MPPE1: variants seen among roughly 807,000 people sequenced by gnomAD.
The protein encoded by MPPE1 is metallophosphoesterase 1.
A neutral mutation model predicts 43.8 loss-of-function variants in MPPE1; 28 were observed. The observed-to-expected ratio is 0.64, with a 90% CI of 0.47 to 0.88. The LOEUF is 0.88. Ranked by LOEUF, MPPE1 falls within the 40% of genes least tolerant of loss-of-function variation. The pLI is 0.00. For missense variants in MPPE1, 428 were observed against 492.2 expected (o/e 0.87, Z 1.23); for synonymous variants, 159 against 188.5 (o/e 0.84, Z 1.28).
chr18:11,904,641 A>G (rs1178124168), intron 2 of MPPE1, among the ~76,000 whole-genome samples: 1 of 152,182 alleles, frequency 6.6e-6, no homozygotes, highest in Admixed American at 6.6e-5. Context: ...TTTTTAAAAG[A>G]TAAGAGTGGC....
At chr18:11,897,715 T>C (rs8085475) in intron 2 of MPPE1, 40,728 of 154,566 alleles carry the variant, frequency 0.26, 7,737 homozygotes, top group African/African-American at 0.54. Flanking sequence ...TAATTTTGAC[T>C]CCCAGGATTC....
chr18:11,898,295 C>A (rs760598785), intron 2 of MPPE1, among the ~76,000 whole-genome samples: 1 of 152,180 alleles, frequency 6.6e-6, no homozygotes, highest in Non-Finnish European at 1.5e-5. Context: ...TAGTCTCAAA[C>A]TCCTGACCTC....
rs537593873 is a variant in MPPE1, at chr18:11,886,318, G to A, written c.867+181C>T. The stretch of plus-strand genomic sequence containing the variant: ...TAGGTTTACTGGAAAAAAAAAAAGC[G>A]ATTAAATGAAAATCTGAGATACTGT... On this transcript the variant is annotated intron_variant, in intron 9 of 10. Transcript: ENST00000588072. This position sits in a 1 kb window ranked among gnomAD's most constrained non-coding sequence, Gnocchi z 4.1. 29 of 769,154 alleles carry A rather than the reference G, an allele frequency of 3.8e-5. No homozygotes were observed. The highest frequency in any genetic ancestry group is 2.1e-4 in the East Asian group (8 of 38,428). 47.6% of individuals were successfully genotyped at this position (769,154 alleles called of 1,614,324 possible). A position where few individuals can be genotyped will look rare whatever the true frequency, so the allele number is the denominator to read the frequency against.
At chr18:11,896,076 A>ATTATTC (rs34339167) in intron 3 of MPPE1, among the ~76,000 whole-genome samples, 1 of 137,944 alleles carries the variant, frequency 7.2e-6, no homozygotes, top group Admixed American at 7.3e-5. Context: ...CTGCTCTTTC[A>ATTATTC]TTATTCTTAT....
rs1427484814 is a variant in MPPE1, at chr18:11,885,686, C to G, written c.998G>C (p.Ser333Thr). The change falls in exon 10 of 11, where the codon AGT becomes ACT. Residue 333 changes from serine to threonine, a missense_variant. Coordinates refer to ENST00000588072, the MANE Select transcript of MPPE1 (RefSeq NM_023075.6). ...SFSWRNRNNPSFIMGSITPTD... is the reference protein window; with the variant it reads ...SFSWRNRNNPTFIMGSITPTD... ...AAACTTTCACGTTACCATGATGAAA[C>G]TGGGGTTGTTTCTGTTCCTCCAACT... The G allele has an allele frequency of 6.2e-7, 1 of 1,613,028 alleles. No homozygotes were observed. The highest frequency in any genetic ancestry group is 8.5e-7 in the Non-Finnish European group (1 of 1,179,304).
intron 2 of MPPE1, among the ~76,000 whole-genome samples, chr18:11,901,347 G>A (rs898017458): frequency 6.6e-6 from 1 of 151,718 alleles, no homozygotes; most frequent in Admixed American, 6.6e-5. Flanking sequence ...CCTCCTACCT[G>A]AGCCTCCCAA....
At chr18:11,897,800 C>A (rs577044033) in intron 2 of MPPE1, among the ~76,000 whole-genome samples, 1 of 152,292 alleles carries the variant, frequency 6.6e-6, no homozygotes, top group South Asian at 2.1e-4. Flanking sequence ...GGTGTTAATT[C>A]ATCACTTTTC....
chr18:11,903,330 G>T (rs996850057), intron 2 of MPPE1, among the ~76,000 whole-genome samples: 4 of 152,082 alleles, frequency 2.6e-5, no homozygotes, highest in African/African-American at 9.7e-5. Flanking sequence ...CACTCCACAG[G>T]AAAAAGAAAG....
At chr18:11,895,472 T>A (rs1055981942) in intron 3 of MPPE1, among the ~76,000 whole-genome samples, 2 of 152,056 alleles carry the variant, frequency 1.3e-5, no homozygotes, top group Non-Finnish European at 2.9e-5. Flanking sequence ...ATGGTACACA[T>A]CACCCCTGAA....
chr18:11,886,019 C>T lies in MPPE1; in HGVS notation c.868-203G>A, dbSNP rs1598478125. ...TCAAAGGTAAGGTCAGCCCTTTGTT[C>T]TCATCCCAGATTTTATATACTTTTT... is the stretch of plus-strand genomic sequence containing the variant. On this transcript the variant is annotated intron_variant, in intron 9 of 10. Transcript: ENST00000588072. The surrounding 1 kb of genome is among the most constrained non-coding windows in gnomAD (Gnocchi z 4.1). 2.5e-6 allele frequency: 1 copy of T among 397,428 alleles called. No homozygotes were observed. Among genetic ancestry groups the T allele is most frequent in the Admixed American group, 4.5e-5 (1 of 22,466 alleles). 24.6% of individuals were successfully genotyped at this position (397,428 alleles called of 1,614,324 possible). A position where few individuals can be genotyped will look rare whatever the true frequency, so the allele number is the denominator to read the frequency against.
intron 1 of MPPE1, among the ~76,000 whole-genome samples, chr18:11,906,634 T>C (rs1465938845): frequency 3.3e-5 from 5 of 152,014 alleles, no homozygotes; most frequent in Non-Finnish European, 7.4e-5. Flanking sequence ...AGGTGGGTGA[T>C]CACCTGAGGT....
Position 11,886,518 on chromosome 18 carries a change from G to A in MPPE1, c.848C>T (p.Ser283Leu). 1 of 1,614,168 alleles carries A rather than the reference G, an allele frequency of 6.2e-7. No homozygotes were observed. The highest frequency in any genetic ancestry group is 8.5e-7 in the Non-Finnish European group (1 of 1,180,046). Residue 283 changes from serine to leucine, a missense_variant, in exon 9 of 11, where the codon TCA (serine) becomes TTA (leucine). Coordinates refer to ENST00000588072, the MANE Select transcript of MPPE1 (RefSeq NM_023075.6). This position sits in a 1 kb window ranked among gnomAD's most constrained non-coding sequence, Gnocchi z 4.1. Reference protein sequence around the residue: ...IPFKENYDVLSREASQKLLWW... With the variant: ...IPFKENYDVLLREASQKLLWW... ...GCAAACCTTTTGTGATGCCTCCCGT[G>A]AAAGCACGTCATAGTTCTCCTTAAA...
intron 4 of MPPE1, chr18:11,892,982 C>CA (rs1380983282): frequency 6.5e-6 from 1 of 154,716 alleles, no homozygotes; most frequent in African/African-American, 2.4e-5. Context: ...ATCAAGTCCC[C>CA]AGCGCTCCTT....
At position 11,897,285 on chromosome 18, in the gene MPPE1, C is replaced by T. The variant is rs2038708482; in HGVS notation, c.-21G>A. On this transcript the variant is annotated 5_prime_UTR_variant, in exon 3 of 11. It removes an upstream start codon present in the reference 5' UTR. Coordinates refer to ENST00000588072, the MANE Select transcript of MPPE1 (RefSeq NM_023075.6). ...GCCATTTCTCAAGCAACAACAAATC[C>T]ATCAAGGGTTCACCACGAGAAAACT... 1 of 931,370 alleles carries T rather than the reference C, an allele frequency of 1.1e-6. No individual in the cohort carries two copies. Among genetic ancestry groups the T allele is most frequent in the African/African-American group, 1.7e-5 (1 of 59,682 alleles). 57.7% of individuals were successfully genotyped at this position (931,370 alleles called of 1,614,324 possible).
rs1171799938 is a variant in MPPE1, at chr18:11,884,119, G to A, written c.*326C>T. 1 of 249,404 alleles carries A rather than the reference G, an allele frequency of 4.0e-6. No individual in the cohort carries two copies. Among genetic ancestry groups the A allele is most frequent in the Non-Finnish European group, 7.9e-6 (1 of 126,644 alleles). 15.4% of individuals were successfully genotyped at this position (249,404 alleles called of 1,614,324 possible). On this transcript the variant is annotated 3_prime_UTR_variant, in exon 11 of 11. Coordinates refer to ENST00000588072, the MANE Select transcript of MPPE1 (RefSeq NM_023075.6). ...TCCCAAGTGTGTGCTGGGGCCACCA[G>A]GCCCTTCCTGGGGGAACAAGGACTG...
Position 11,893,577 on chromosome 18 carries a change from C to G in MPPE1, c.282-1G>C, listed in dbSNP as rs1166086162. 2.5e-6 allele frequency: 4 copies of G among 1,613,548 alleles called. No individual in the cohort carries two copies. In the African/African-American group the frequency reaches 5.3e-5, roughly 21 times the overall value. ...GAACGCTCTCTCCATCTGCCATTCCCTTGATGCCAATAGGAAAAAGTAAGG... is the reference window on the plus strand; with the variant it reads ...GAACGCTCTCTCCATCTGCCATTCCGTTGATGCCAATAGGAAAAAGTAAGG... On this transcript the variant is annotated splice_acceptor_variant, in intron 3 of 10. Coordinates refer to ENST00000588072, the MANE Select transcript of MPPE1 (RefSeq NM_023075.6). LOFTEE classifies it high-confidence loss of function.
chr18:11,895,018 C>T (rs1202011462), intron 3 of MPPE1, among the ~76,000 whole-genome samples: 2 of 152,150 alleles, frequency 1.3e-5, no homozygotes, highest in African/African-American at 4.8e-5. Context: ...GCTCAGCCCT[C>T]CCCGTCTTCA....
At chr18:11,891,534 A>G (rs1053141365) in intron 4 of MPPE1, 1 of 152,178 alleles carries the variant, frequency 6.6e-6, no homozygotes, top group African/African-American at 2.4e-5. Flanking sequence ...ACATAGAAAA[A>G]CATAAAATGT....
intron 2 of MPPE1, among the ~76,000 whole-genome samples, chr18:11,901,282 G>C (rs140925444): frequency 6.6e-6 from 1 of 151,830 alleles, no homozygotes; most frequent in African/African-American, 2.4e-5. Context: ...CCAGGCTGGA[G>C]TGCAGTGGTG....
Sources: gnomAD v4.1 joint callset for allele counts (sites outside exome capture counted in the v4.1 genomes callset) on GRCh38, gnomAD v4.1.1 for gene constraint, Gnocchi (gnomAD v3.1) non-coding constraint, MANE v1.5 for transcripts, NCBI Gene and HGNC (gene_info 2026-07-23, HGNC 2026-07-21) for gene names.